The following ACOT7 variants were observed in gnomAD, a reference collection of about 807,000 sequenced individuals.
ACOT7 encodes the protein acyl-CoA thioesterase 7.
Under a neutral mutation model 40.2 loss-of-function variants are expected in ACOT7, and 12 were observed. That is an observed-to-expected ratio of 0.30 (90% CI 0.19 to 0.48). The LOEUF is 0.48. Ranked by LOEUF, ACOT7 falls within the 20% of genes least tolerant of loss-of-function variation. The pLI is 0.99. For synonymous variants in ACOT7, 228 were observed against 219.5 expected (o/e 1.04, Z -0.34); for missense variants, 395 against 530.8 (o/e 0.74, Z 2.51).
At chr1:6,331,634 C>T (rs925322714) in intron 4 of ACOT7, among the ~76,000 whole-genome samples, 7 of 152,218 alleles carry the variant, frequency 4.6e-5, no homozygotes, top group South Asian at 2.1e-4. Flanking sequence ...CCTGAGCCCC[C>T]GCCCACTGGC....
chr1:6,391,573 T>G (rs1183178033), intron 1 of ACOT7, among the ~76,000 whole-genome samples: 1 of 152,182 alleles, frequency 6.6e-6, no homozygotes, highest in African/African-American at 2.4e-5. Flanking sequence ...AATTGGCTAT[T>G]CACCACCCTG....
In ACOT7 at chr1:6,306,966, G is replaced by T; in HGVS notation, c.712+11526C>A. On this transcript the variant is annotated intron_variant, in intron 6 of 8. Coordinates refer to ENST00000361521, the MANE Select transcript of ACOT7 (RefSeq NM_007274.4). The surrounding 1 kb of genome is among the most constrained non-coding windows in gnomAD (Gnocchi z 4.3). ...GCGTCTTGGTGGAGGCCTCACTTGC[G>T]TCCCCTCCCATGTTTTCTCTGCCTT... 8.0e-7 allele frequency: 1 copy of T among 1,253,472 alleles called. No homozygotes were observed. The highest frequency in any genetic ancestry group is 1.3e-5 in the South Asian group (1 of 79,926). 77.6% of individuals were successfully genotyped at this position (1,253,472 alleles called of 1,614,324 possible).
At chr1:6,336,997 C>A (rs1330838350) in intron 3 of ACOT7, among the ~76,000 whole-genome samples, 1 of 152,240 alleles carries the variant, frequency 6.6e-6, no homozygotes, top group Non-Finnish European at 1.5e-5. Context: ...CCCTGCCCAG[C>A]CCCTGCTACA....
At chr1:6,323,341 G>C (rs1640700238) in intron 5 of ACOT7, among the ~76,000 whole-genome samples, 1 of 152,088 alleles carries the variant, frequency 6.6e-6, no homozygotes, top group South Asian at 2.1e-4. Flanking sequence ...CAACAGCTTG[G>C]GGCTTGTCAG....
chr1:6,329,960 A>C (rs755477908), intron 4 of ACOT7, among the ~76,000 whole-genome samples: 7 of 152,190 alleles, frequency 4.6e-5, no homozygotes, highest in Non-Finnish European at 1.0e-4. Flanking sequence ...CTGGGGAGGA[A>C]GGTGGAGCAA....
At chr1:6,269,749 C>T (rs1638970833) in intron 8 of ACOT7, among the ~76,000 whole-genome samples, 1 of 152,370 alleles carries the variant, frequency 6.6e-6, no homozygotes, top group Middle Eastern at 3.4e-3. Flanking sequence ...GCCTGAGAGC[C>T]TGTGAGGGCC....
At chr1:6,385,763 T>C (rs1571358197) in intron 1 of ACOT7, 14 of 1,477,910 alleles carry the variant, frequency 9.5e-6, no homozygotes, top group Non-Finnish European at 1.2e-5. Flanking sequence ...AGTGAGCCGG[T>C]GTGATCCCTC....
chr1:6,323,929 G>A (rs1271200385), intron 5 of ACOT7, among the ~76,000 whole-genome samples: 3 of 151,680 alleles, frequency 2.0e-5, no homozygotes. Flanking sequence ...CAGGGGCTGG[G>A]AGCAGGCAAG....
chr1:6,368,036 G>C (rs937345288), intron 1 of ACOT7, among the ~76,000 whole-genome samples: 7 of 152,164 alleles, frequency 4.6e-5, no homozygotes, highest in African/African-American at 7.2e-5. Context: ...GCTGAGTCCG[G>C]GGTTTTTATG....
chr1:6,301,065 G>T lies in ACOT7; in HGVS notation c.713-6085C>A, dbSNP rs1474826981. On this transcript the variant is annotated intron_variant, in intron 6 of 8. Coordinates refer to ENST00000361521, the MANE Select transcript of ACOT7 (RefSeq NM_007274.4). The surrounding 1 kb of genome is among the most constrained non-coding windows in gnomAD (Gnocchi z 4.1). Reference sequence around the variant, plus strand: ...TCCAGAGTGGAATTCTTCCCAAGATGATTGCAGGAAGGAGCGTTCAAAGTC... The same window carrying T: ...TCCAGAGTGGAATTCTTCCCAAGATTATTGCAGGAAGGAGCGTTCAAAGTC... Among the ~76,000 whole-genome samples the T allele has an allele frequency of 6.6e-6, 1 of 152,228 alleles. No homozygotes were observed. The highest frequency in any genetic ancestry group is 1.9e-4 in the East Asian group (1 of 5,196).
chr1:6,312,882 A>G (rs1640379115), intron 6 of ACOT7, among the ~76,000 whole-genome samples: 1 of 152,254 alleles, frequency 6.6e-6, no homozygotes, highest in Admixed American at 6.5e-5. Flanking sequence ...AGATGAAATT[A>G]AAACTTTTTA....
chr1:6,318,233 T>C (rs1244016223), intron 6 of ACOT7, among the ~76,000 whole-genome samples: 6 of 152,156 alleles, frequency 3.9e-5, no homozygotes, highest in Non-Finnish European at 8.8e-5. Flanking sequence ...TATTTATTTT[T>C]TTGTAGAGAC....
intron 7 of ACOT7, among the ~76,000 whole-genome samples, chr1:6,286,366 T>C (rs1024734687): frequency 6.6e-6 from 1 of 152,188 alleles, no homozygotes; most frequent in East Asian, 1.9e-4. Flanking sequence ...TGAGCCTCTG[T>C]AGCAGGTACA....
chr1:6,376,006 G>A (rs969174579), intron 1 of ACOT7, among the ~76,000 whole-genome samples: 3 of 152,060 alleles, frequency 2.0e-5, no homozygotes, highest in Admixed American at 6.6e-5. Flanking sequence ...TGTAATCCCA[G>A]CATTTTGGGA....
In ACOT7 at chr1:6,303,690, C is replaced by G. The variant is rs572513010; in HGVS notation, c.713-8710G>C. Among the ~76,000 whole-genome samples the G allele has an allele frequency of 5.3e-5, 8 of 152,272 alleles. No homozygotes were observed. In the East Asian group the frequency reaches 1.2e-3, roughly 22 times the overall value. ...TAGTAACTTCATCTTGTTTTAAATACCCCACCCGTTAGTAATTACAAGAGT... is the reference window on the plus strand; with the variant it reads ...TAGTAACTTCATCTTGTTTTAAATAGCCCACCCGTTAGTAATTACAAGAGT... On this transcript the variant is annotated intron_variant, in intron 6 of 8. Transcript: ENST00000361521.
chr1:6,274,899 C>T lies in ACOT7; in HGVS notation c.1014+6203G>A, dbSNP rs367924562. The stretch of plus-strand genomic sequence containing the variant: ...TGCACAGAAGGGTTCTCAGGCAGGG[C>T]TCCTCCCAGGACCCCACAGTAGGGC... On this transcript the variant is annotated intron_variant, in intron 8 of 8. Transcript: ENST00000361521. This position sits in a 1 kb window ranked among gnomAD's most constrained non-coding sequence, Gnocchi z 5.9. Among the ~76,000 whole-genome samples, 19 of 152,290 alleles carry T rather than the reference C, an allele frequency of 1.2e-4. No individual in the cohort carries two copies. The highest frequency in any genetic ancestry group is 5.9e-4 in the Admixed American group (9 of 15,304).
At chr1:6,285,243 C>T (rs1398814668) in intron 7 of ACOT7, among the ~76,000 whole-genome samples, 1 of 152,186 alleles carries the variant, frequency 6.6e-6, no homozygotes, top group Non-Finnish European at 1.5e-5. Flanking sequence ...CATTAGAGCC[C>T]CAGGTTTGCA....
intron 6 of ACOT7, among the ~76,000 whole-genome samples, chr1:6,300,561 G>T (rs1009609234): frequency 3.6e-5 from 5 of 138,316 alleles, no homozygotes; most frequent in Middle Eastern, 4.3e-3. Context: ...GACCCCACCC[G>T]ATCCTGATGC....
At chr1:6,298,807 C>CCA (rs1639884231) in intron 6 of ACOT7, among the ~76,000 whole-genome samples, 2 of 152,176 alleles carry the variant, frequency 1.3e-5, no homozygotes, top group Admixed American at 1.3e-4. Flanking sequence ...GGGTAGAGGA[C>CCA]GGTTGGGCCA....
Sources: gnomAD v4.1 joint callset for allele counts (sites outside exome capture counted in the v4.1 genomes callset) on GRCh38, gnomAD v4.1.1 for gene constraint, Gnocchi (gnomAD v3.1) non-coding constraint, MANE v1.5 for transcripts, NCBI Gene and HGNC (gene_info 2026-07-23, HGNC 2026-07-21) for gene names.